Variants in ANXA8 observed in about 807,000 individuals in gnomAD.
ANXA8 encodes the protein annexin A8.
In ANXA8, 9 loss-of-function variants were observed where a neutral mutation model predicts 26.8. That is an observed-to-expected ratio of 0.34 (90% CI 0.20 to 0.59). ANXA8 has a LOEUF of 0.59. Among genes scored for constraint, ANXA8 ranks in the 20% least tolerant of loss-of-function variants. The pLI, the probability that ANXA8 is intolerant of heterozygous loss-of-function variation, is 0.84. For missense variants in ANXA8, 83 were observed against 238.5 expected, an observed-to-expected ratio of 0.35 and a Z score of 4.29; for synonymous variants, 39 against 94.8, an observed-to-expected ratio of 0.41 and a Z score of 3.42.
At chr10:47,491,731 T>G in the ANXA8 span, 16 of 1,545,840 alleles carry the variant, frequency 1.0e-5, no homozygotes, top group Non-Finnish European at 1.4e-5. Context: ...AACATGCTTT[T>G]ATAGCTGCCT....
chr10:47,711,793 T>C, the ANXA8 span, among the ~76,000 whole-genome samples: 5 of 67,956 alleles, frequency 7.4e-5, no homozygotes, highest in African/African-American at 3.7e-4. Context: ...TTTTGGTTAA[T>C]AGAAGAGAAA....
the ANXA8 span, among the ~76,000 whole-genome samples, chr10:47,652,492 G>A: frequency 6.6e-6 from 1 of 151,216 alleles, no homozygotes; most frequent in South Asian, 2.1e-4. Flanking sequence ...AGCTACTGGG[G>A]AGGCTGAGGC....
the ANXA8 span, among the ~76,000 whole-genome samples, chr10:47,590,551 C>A: frequency 1.4e-5 from 2 of 146,466 alleles, no homozygotes; most frequent in Middle Eastern, 3.4e-3. Flanking sequence ...ATCAGGTTCC[C>A]TGCATTGCAG....
the ANXA8 span, among the ~76,000 whole-genome samples, chr10:47,651,498 T>A: frequency 6.6e-6 from 1 of 150,820 alleles, no homozygotes; most frequent in Non-Finnish European, 1.5e-5. Context: ...TGACAACATA[T>A]GTCCATACAA....
At chr10:47,498,286 C>T in the ANXA8 span, among the ~76,000 whole-genome samples, 3 of 148,388 alleles carry the variant, frequency 2.0e-5, no homozygotes, top group East Asian at 2.4e-4. Context: ...TTTCACTTAG[C>T]GTAATGTCCT....
At chr10:47,667,137 C>T in the ANXA8 span, among the ~76,000 whole-genome samples, 2 of 152,036 alleles carry the variant, frequency 1.3e-5, no homozygotes, top group East Asian at 1.9e-4. Context: ...ATTCTCTTTT[C>T]TTTTCTCCTG....
At chr10:47,607,980 T>C in the ANXA8 span, among the ~76,000 whole-genome samples, 4 of 145,588 alleles carry the variant, frequency 2.7e-5, no homozygotes, top group Non-Finnish European at 3.0e-5. Context: ...ATTGTAGTTA[T>C]TTTATCTATT....
At chr10:47,748,677 G>C in the ANXA8 span, among the ~76,000 whole-genome samples, 10 of 152,220 alleles carry the variant, frequency 6.6e-5, no homozygotes, top group Middle Eastern at 3.4e-3. Context: ...TTTGTAGAGG[G>C]GGGGGATCTT....
At chr10:47,949,757 T>G in the ANXA8 span, among the ~76,000 whole-genome samples, 5 of 148,100 alleles carry the variant, frequency 3.4e-5, no homozygotes, top group African/African-American at 5.0e-5. Context: ...AAGCCAGAGT[T>G]ATAGCTAATG....
At chr10:47,652,935 A>T in the ANXA8 span, among the ~76,000 whole-genome samples, 1 of 151,354 alleles carries the variant, frequency 6.6e-6, no homozygotes, top group Non-Finnish European at 1.5e-5. Context: ...TAGTGATTTT[A>T]TATTATATTT....
the ANXA8 span, among the ~76,000 whole-genome samples, chr10:47,980,548 C>A: frequency 6.6e-6 from 1 of 151,462 alleles, no homozygotes; most frequent in Non-Finnish European, 1.5e-5. Flanking sequence ...GTTATGTGCC[C>A]TATTTCATTC....
chr10:47,653,041 G>A, the ANXA8 span, among the ~76,000 whole-genome samples: 1 of 151,306 alleles, frequency 6.6e-6, no homozygotes, highest in African/African-American at 2.5e-5. Context: ...CCCGTGTGCA[G>A]TGGCTCACGC....
the ANXA8 span, among the ~76,000 whole-genome samples, chr10:47,951,437 A>T: frequency 6.7e-6 from 1 of 150,092 alleles, no homozygotes; most frequent in African/African-American, 2.5e-5. Flanking sequence ...AACTTAATTT[A>T]TGGGATCAGC....
the ANXA8 span, among the ~76,000 whole-genome samples, chr10:47,514,096 G>T: frequency 7.1e-6 from 1 of 141,538 alleles, no homozygotes; most frequent in Non-Finnish European, 1.5e-5. Flanking sequence ...GACAACCACA[G>T]AGTGGGAGGA....
the ANXA8 span, among the ~76,000 whole-genome samples, chr10:47,974,234 G>A: frequency 6.7e-6 from 1 of 149,238 alleles, no homozygotes; most frequent in Non-Finnish European, 1.5e-5. Flanking sequence ...ATCTGCAAAT[G>A]AAGATGAATT....
rs1337742244 is a variant in ANXA8 at position 47,468,891 on chromosome 10, C to G, written c.940G>C (p.Asp314His). The G allele has an allele frequency of 2.4e-3, 3,840 of 1,611,042 alleles. 11 individuals are homozygous for G. The highest frequency in any genetic ancestry group is 0.016 in the African/African-American group (1,173 of 74,638). Residue 314 changes from aspartate (D) to histidine (H), a missense_variant, in exon 12 of 12, where the codon GAC becomes CAC. This residue lies in a region of ANXA8 where 28 missense variants were observed against 37.7 expected (regional missense o/e 0.74). Transcript: ENST00000585281. The part of the protein sequence containing the change: ...SSMIMEDTSG[D>H]YKNALLSLVG... ...AGGCTCAGCAGGGCGTTCTTGTAGT[C>G]ACCGCTGGTGTCTTCCTGTGGGCAG...
the ANXA8 span, among the ~76,000 whole-genome samples, chr10:47,681,951 T>C: frequency 5.9e-5 from 8 of 135,626 alleles, 1 homozygote; most frequent in South Asian, 2.0e-3. Flanking sequence ...ACAAATGACA[T>C]CTGGGCTGAG....
At chr10:47,502,188 C>T in the ANXA8 span, 28 of 1,541,428 alleles carry the variant, frequency 1.8e-5, 5 homozygotes, top group African/African-American at 4.3e-5. Flanking sequence ...CGGGCCATGA[C>T]GTCCACCCCG....
chr10:47,658,011 C>T, the ANXA8 span, among the ~76,000 whole-genome samples: 1 of 151,852 alleles, frequency 6.6e-6, no homozygotes, highest in Admixed American at 6.5e-5. Context: ...TGGTTTAAAT[C>T]GTCTCTAGAA....
Sources: allele counts gnomAD v4.1 joint callset (sites outside exome capture counted in the v4.1 genomes callset), GRCh38; gene constraint gnomAD v4.1.1; regional missense constraint gnomAD v4.1.1; transcripts MANE v1.5; gene names NCBI Gene and HGNC (gene_info 2026-07-23, HGNC 2026-07-21).